The following PLCXD2 variants were observed in gnomAD, a reference collection of about 807,000 sequenced individuals.
The protein encoded by PLCXD2 is PI-PLC X domain-containing protein 2.
In PLCXD2, 21 loss-of-function variants were observed where a neutral mutation model predicts 28.6. The observed-to-expected ratio is 0.73, with a 90% CI of 0.52 to 1.06. The LOEUF is 1.06. Ranked by LOEUF, PLCXD2 falls within the 50% of genes least tolerant of loss-of-function variation. The probability of loss-of-function intolerance (pLI) is 0.00; values close to 1 mark genes in which losing one functional copy is unlikely to be tolerated. For missense variants in PLCXD2, 369 were observed against 376.7 expected, an observed-to-expected ratio of 0.98 and a Z score of 0.17; for synonymous variants, 140 against 150.1, an observed-to-expected ratio of 0.93 and a Z score of 0.49.
intron 1 of PLCXD2, among the ~76,000 whole-genome samples, chr3:111,703,553 C>G (rs1252038129): frequency 1.3e-5 from 2 of 152,182 alleles, no homozygotes; most frequent in African/African-American, 4.8e-5. Context: ...TGGCTATTCC[C>G]TAATGCCCAG....
chr3:111,716,913 T>C (rs1455297223), intron 3 of PLCXD2, among the ~76,000 whole-genome samples: 3 of 152,022 alleles, frequency 2.0e-5, no homozygotes, highest in African/African-American at 4.8e-5. Context: ...ACCACAGATA[T>C]GTGTTCACAG....
At chr3:111,711,785 A>G (rs1941202698) in intron 2 of PLCXD2, among the ~76,000 whole-genome samples, 1 of 152,248 alleles carries the variant, frequency 6.6e-6, no homozygotes, top group Non-Finnish European at 1.5e-5. Flanking sequence ...AGACAATTGC[A>G]TGATAAAAGT....
intron 1 of PLCXD2, among the ~76,000 whole-genome samples, chr3:111,700,213 A>G (rs4682055): frequency 0.97 from 148,101 of 152,296 alleles, 72,032 homozygotes; most frequent in East Asian, 1. Flanking sequence ...GAGGATCACC[A>G]CTTTACATTA....
chr3:111,708,111 G>A lies in PLCXD2; in HGVS notation c.349G>A (p.Val117Met). 6.2e-7 allele frequency: 1 copy of A among 1,614,228 alleles called. No individual in the cohort carries two copies. The highest frequency in any genetic ancestry group is 1.1e-5 in the South Asian group (1 of 91,084). ...TGGGATCCGCTACTTTGACCTGCGT[G>A]TGTCTTCCAAACCAGGGGATGCCGA... Residue 117 changes from valine (V) to methionine (M), a missense_variant, in exon 2 of 5, where the codon GTG becomes ATG. Physicochemically the swap from Val to Met is conservative, Grantham distance 21 (BLOSUM62 1). Transcript: ENST00000477665.
chr3:111,714,151 C>T, intron 3 of PLCXD2, 23 bp downstream of exon 3: 1 of 1,605,914 alleles, frequency 6.2e-7, no homozygotes, highest in Non-Finnish European at 8.5e-7. Flanking sequence ...TTCCACCCCA[C>T]AAGGAAAGCT....
intron 1 of PLCXD2, among the ~76,000 whole-genome samples, chr3:111,697,667 A>T (rs1940981788): frequency 6.6e-6 from 1 of 152,270 alleles, no homozygotes; most frequent in East Asian, 1.9e-4. Context: ...CAAATAATGG[A>T]TTATATAGGC....
At chr3:111,689,999 A>G (rs973687030) in intron 1 of PLCXD2, among the ~76,000 whole-genome samples, 9 of 152,248 alleles carry the variant, frequency 5.9e-5, no homozygotes, top group African/African-American at 2.2e-4. Context: ...TTTGATTTAT[A>G]TAAAGCCAAT....
chr3:111,689,933 A>G (rs1441274215), intron 1 of PLCXD2, among the ~76,000 whole-genome samples: 1 of 152,200 alleles, frequency 6.6e-6, no homozygotes, highest in African/African-American at 2.4e-5. Flanking sequence ...AGCAGAAGAA[A>G]GATAGCTTGC....
chr3:111,715,904 C>G (rs1449728384), intron 3 of PLCXD2, among the ~76,000 whole-genome samples: 2 of 152,230 alleles, frequency 1.3e-5, no homozygotes, highest in African/African-American at 2.4e-5. Flanking sequence ...CAGGTTATAA[C>G]TAGTAACCCA....
At chr3:111,704,026 C>A (rs1941083156) in intron 1 of PLCXD2, among the ~76,000 whole-genome samples, 1 of 151,556 alleles carries the variant, frequency 6.6e-6, no homozygotes, top group Admixed American at 6.6e-5. Context: ...TCTTAGGAAA[C>A]AAAACACTGA....
At chr3:111,700,129 C>A (rs1941020583) in intron 1 of PLCXD2, among the ~76,000 whole-genome samples, 1 of 152,194 alleles carries the variant, frequency 6.6e-6, no homozygotes, top group Non-Finnish European at 1.5e-5. Context: ...GGGGTGAGCT[C>A]ATGGGCACTG....
At chr3:111,676,483 A>C (rs1372650794) in intron 1 of PLCXD2, among the ~76,000 whole-genome samples, 2 of 152,208 alleles carry the variant, frequency 1.3e-5, no homozygotes, top group Non-Finnish European at 2.9e-5. Flanking sequence ...TGGTGGCTTC[A>C]AATGCAGGCT....
chr3:111,708,451 T>G, intron 2 of PLCXD2, 65 bp downstream of exon 2: 1 of 1,438,584 alleles, frequency 7.0e-7, no homozygotes, highest in South Asian at 1.3e-5. Context: ...TTTCCTGTAT[T>G]GCCGTCTGTA....
intron 3 of PLCXD2, among the ~76,000 whole-genome samples, chr3:111,719,626 TGAAA>T (rs1354653623): frequency 2.0e-5 from 3 of 152,164 alleles, no homozygotes; most frequent in African/African-American, 7.2e-5. Flanking sequence ...TTATGCCAAG[TGAAA>T]GAAAACTCAC....
intron 1 of PLCXD2, among the ~76,000 whole-genome samples, chr3:111,704,793 A>T (rs1449718954): frequency 6.6e-6 from 1 of 151,054 alleles, no homozygotes; most frequent in African/African-American, 2.4e-5. Flanking sequence ...AAAACACCAG[A>T]CTTCATTCCT....
At chr3:111,682,836 TTA>T (rs1940737617) in intron 1 of PLCXD2, among the ~76,000 whole-genome samples, 1 of 152,194 alleles carries the variant, frequency 6.6e-6, no homozygotes. Flanking sequence ...CTCACAAGAA[TTA>T]TATGAGTGTG....
At chr3:111,676,758 T>G (rs894603441) in intron 1 of PLCXD2, 1 of 152,340 alleles carries the variant, frequency 6.6e-6, no homozygotes, top group African/African-American at 2.4e-5. Flanking sequence ...CCTTCAGGCC[T>G]TCTGATGGAA....
At chr3:111,716,183 T>A (rs1164447010) in intron 3 of PLCXD2, among the ~76,000 whole-genome samples, 1 of 152,110 alleles carries the variant, frequency 6.6e-6, no homozygotes, top group Non-Finnish European at 1.5e-5. Context: ...GCACATCAAC[T>A]GAAGGAGGAA....
intron 1 of PLCXD2, among the ~76,000 whole-genome samples, chr3:111,689,747 T>A (rs1386744821): frequency 6.6e-6 from 1 of 152,016 alleles, no homozygotes; most frequent in Non-Finnish European, 1.5e-5. Context: ...CTACAAAGAA[T>A]TTAAGCATAA....
Sources: gnomAD v4.1 joint callset for allele counts (sites outside exome capture counted in the v4.1 genomes callset) on GRCh38, gnomAD v4.1.1 for gene constraint, MANE v1.5 for transcripts, NCBI Gene and HGNC (gene_info 2026-07-23, HGNC 2026-07-21) for gene names.